The following DNAI3 variants were observed in gnomAD, a reference collection of about 807,000 sequenced individuals.
DNAI3 encodes dynein axonemal intermediate chain 3, also known as WD repeat domain 63.
DNAI3 carries 83 observed loss-of-function variants against 115.5 expected under a neutral mutation model. The ratio of observed to expected loss-of-function variants is 0.72; its 90% CI spans 0.60 to 0.86. The LOEUF (loss-of-function observed/expected upper bound fraction) is 0.86, where lower values mean the gene tolerates loss of function less well. Ranked by LOEUF, DNAI3 falls within the 40% of genes least tolerant of loss-of-function variation. DNAI3 has a pLI of 0.00. For missense variants in DNAI3, 1,004 were observed against 1,075.8 expected, an observed-to-expected ratio of 0.93 and a Z score of 0.93; for synonymous variants, 320 against 347.0, an observed-to-expected ratio of 0.92 and a Z score of 0.86.
intron 5 of DNAI3, 71 bp from the exon 6 acceptor site, chr1:85,084,473 AAT>A (rs57826280): frequency 0.016 from 15,095 of 920,734 alleles, no homozygotes; most frequent in South Asian, 0.036. Flanking sequence ...TTTGTTGCAA[AAT>A]ATATATATAT....
In DNAI3 at chr1:85,062,457, G is replaced by C. The variant is rs1222710243; in HGVS notation, c.-44G>C. 6.6e-6 allele frequency: 1 copy of C among 152,166 alleles called. No individual in the cohort carries two copies. The highest frequency in any genetic ancestry group is 1.9e-4 in the East Asian group (1 of 5,192). The allele number at this position is 152,166 out of a possible 1,614,324, so 9.4% of individuals were successfully genotyped here. A position where few individuals can be genotyped will look rare whatever the true frequency, so the allele number is the denominator to read the frequency against. ...CTTTTCCTGAGGGCACTGCAAAGAG[G>C]CTCCTTTTCTTTCAGATCAGCAGTA... is the stretch of plus-strand genomic sequence containing the variant. On this transcript the variant is annotated 5_prime_UTR_variant, in exon 1 of 23. Coordinates refer to ENST00000294664, the MANE Select transcript of DNAI3 (RefSeq NM_145172.5).
chr1:85,128,730 A>C lies in DNAI3; in HGVS notation c.2340A>C (p.Thr780=). 2.5e-6 allele frequency: 4 copies of C among 1,608,374 alleles called. No individual in the cohort carries two copies. Among genetic ancestry groups the C allele is most frequent in the Non-Finnish European group, 3.4e-6 (4 of 1,178,866 alleles). Residue 780 remains threonine, a synonymous_variant, in exon 21 of 23, where the codon ACA becomes ACC. Coordinates refer to ENST00000294664, the MANE Select transcript of DNAI3 (RefSeq NM_145172.5). ...IFSSKQQFIA[T]ADYYGTLHIL... Reference sequence around the variant, plus strand: ...CAGCTAAACAGCAATTTATAGCCACAGCTGATTATTATGGAACACTGCATA... The same window carrying C: ...CAGCTAAACAGCAATTTATAGCCACCGCTGATTATTATGGAACACTGCATA...
At chr1:85,064,941 G>A (rs1654049113) in intron 1 of DNAI3, among the ~76,000 whole-genome samples, 1 of 152,158 alleles carries the variant, frequency 6.6e-6, no homozygotes, top group Non-Finnish European at 1.5e-5. Flanking sequence ...GCTGAGGCAG[G>A]AGAATCGCTT....
At chr1:85,098,449 T>G in intron 12 of DNAI3, 81 bp from the exon 13 acceptor site, 1 of 1,519,862 alleles carries the variant, frequency 6.6e-7, no homozygotes, top group Non-Finnish European at 8.9e-7. Context: ...TTGTTCATTT[T>G]AATTGAGATG....
At chr1:85,096,614 C>T (rs1302447975) in intron 11 of DNAI3, among the ~76,000 whole-genome samples, 2 of 151,634 alleles carry the variant, frequency 1.3e-5, no homozygotes, top group Non-Finnish European at 2.9e-5. Flanking sequence ...CCTCCAATAT[C>T]CTGTTTCTCT....
intron 7 of DNAI3, among the ~76,000 whole-genome samples, chr1:85,087,271 A>G (rs1475937753): frequency 6.6e-6 from 1 of 151,882 alleles, no homozygotes; most frequent in African/African-American, 2.4e-5. Flanking sequence ...CCCCGTCTTT[A>G]CTAAAAATAC....
chr1:85,083,638 A>G (rs1475056286), intron 5 of DNAI3, among the ~76,000 whole-genome samples: 3 of 149,370 alleles, frequency 2.0e-5, no homozygotes, highest in Non-Finnish European at 2.9e-5. Context: ...AGAAAAAACT[A>G]CAGAGTAGTA....
chr1:85,070,217 C>T (rs2389862), intron 1 of DNAI3, among the ~76,000 whole-genome samples: 122,116 of 152,036 alleles, frequency 0.8, 50,255 homozygotes, highest in South Asian at 0.9. Context: ...GCTGAGACCG[C>T]GCCACTGCAC....
chr1:85,104,262 A>T (rs1655419858), intron 13 of DNAI3, among the ~76,000 whole-genome samples: 1 of 151,582 alleles, frequency 6.6e-6, no homozygotes, highest in Non-Finnish European at 1.5e-5. Context: ...CTGGGACTAC[A>T]GGCGCCCACC....
chr1:85,130,177 C>A, intron 22 of DNAI3, 65 bp downstream of exon 22: 6 of 1,596,058 alleles, frequency 3.8e-6, no homozygotes, highest in South Asian at 1.1e-5. Flanking sequence ...ATTTGTTTGG[C>A]TTAATCCACA....
chr1:85,129,601 G>T (rs1362558308), intron 21 of DNAI3, among the ~76,000 whole-genome samples: 1 of 152,118 alleles, frequency 6.6e-6, no homozygotes, highest in Non-Finnish European at 1.5e-5. Flanking sequence ...GAAGAAGGAA[G>T]AAATGGGGAA....
chr1:85,123,568 G>A (rs1017637851), intron 18 of DNAI3, among the ~76,000 whole-genome samples: 2 of 152,154 alleles, frequency 1.3e-5, no homozygotes, highest in South Asian at 2.1e-4. Flanking sequence ...ATGTTGAGCT[G>A]CTATTCAGGC....
chr1:85,110,027 T>C, intron 15 of DNAI3, 21 bp from the exon 16 acceptor site: 2 of 1,604,952 alleles, frequency 1.2e-6, no homozygotes, highest in East Asian at 2.2e-5. Flanking sequence ...AAATAATCTT[T>C]GCTATATGTT....
chr1:85,098,529 G>T lies in DNAI3; in HGVS notation c.1351-1G>T. ...CTTAACTTTCTTTTAATATTTTTCA[G>T]CCTATGTTTCTCCTTGAACCGGAGA... On this transcript the variant is annotated splice_acceptor_variant, in intron 12 of 22. Transcript: ENST00000294664. LOFTEE classifies it high-confidence loss of function. 3 of 1,609,818 alleles carry T rather than the reference G, an allele frequency of 1.9e-6. No homozygotes were observed. Among genetic ancestry groups the T allele is most frequent in the Non-Finnish European group, 2.5e-6 (3 of 1,178,772 alleles).
intron 9 of DNAI3, 107 bp from the exon 10 acceptor site, chr1:85,094,324 G>C: frequency 6.8e-7 from 1 of 1,469,010 alleles, no homozygotes; most frequent in Non-Finnish European, 9.2e-7. Context: ...TTGCTCTCCT[G>C]TGGACAAAGT....
intron 17 of DNAI3, among the ~76,000 whole-genome samples, chr1:85,119,516 T>A (rs4907136): frequency 0.63 from 96,244 of 152,006 alleles, 31,733 homozygotes; most frequent in South Asian, 0.83. Flanking sequence ...GACTGCAAGA[T>A]CTTAAAGCAG....
In DNAI3 at chr1:85,128,744, G is replaced by C; in HGVS notation, c.2354G>C (p.Gly785Ala). The change falls in exon 21 of 23, where the codon GGA becomes GCA. Residue 785 changes from glycine to alanine, a missense_variant. Coordinates refer to ENST00000294664, the MANE Select transcript of DNAI3 (RefSeq NM_145172.5). ...TTTATAGCCACAGCTGATTATTATGGAACACTGCATATATTAGAAATTCCT... is the reference window on the plus strand; with the variant it reads ...TTTATAGCCACAGCTGATTATTATGCAACACTGCATATATTAGAAATTCCT... ...QQFIATADYY[G>A]TLHILEIPWT... The C allele has an allele frequency of 1.2e-6, 2 of 1,612,108 alleles. No individual in the cohort carries two copies. Among genetic ancestry groups the C allele is most frequent in the Non-Finnish European group, 1.7e-6 (2 of 1,179,640 alleles).
chr1:85,112,690 C>T lies in DNAI3; in HGVS notation c.1786+2555C>T, dbSNP rs551986466. Reference sequence around the variant, plus strand: ...TGACTTAAGTTGTCAAGCAAATTTTCGCATGTTTTTTGCCACCTGTATATC... The same window carrying T: ...TGACTTAAGTTGTCAAGCAAATTTTTGCATGTTTTTTGCCACCTGTATATC... On this transcript the variant is annotated intron_variant, in intron 16 of 22. Coordinates refer to ENST00000294664, the MANE Select transcript of DNAI3 (RefSeq NM_145172.5). Among the ~76,000 whole-genome samples, 87 of 152,202 alleles carry T rather than the reference C, an allele frequency of 5.7e-4. 1 individual carries two copies. Among genetic ancestry groups the T allele is most frequent in the Non-Finnish European group, 1.5e-4 (10 of 68,028 alleles).
At chr1:85,111,273 G>A (rs1003385163) in intron 16 of DNAI3, among the ~76,000 whole-genome samples, 1 of 152,142 alleles carries the variant, frequency 6.6e-6, no homozygotes, top group Non-Finnish European at 1.5e-5. Context: ...CATTGTCAAA[G>A]CATTATTAAA....
Sources: allele counts gnomAD v4.1 joint callset (sites outside exome capture counted in the v4.1 genomes callset), GRCh38; gene constraint gnomAD v4.1.1; transcripts MANE v1.5; gene names NCBI Gene and HGNC (gene_info 2026-07-23, HGNC 2026-07-21).